Variants in CDH1 observed in about 807,000 individuals in gnomAD.
The protein encoded by CDH1 is cadherin 1, also known as cadherin-1.
A neutral mutation model predicts 84.5 loss-of-function variants in CDH1; 35 were observed. That is an observed-to-expected ratio of 0.41 (90% CI 0.32 to 0.55). The LOEUF (loss-of-function observed/expected upper bound fraction) is 0.55, where lower values mean the gene tolerates loss of function less well. Among genes scored for constraint, CDH1 ranks in the 20% least tolerant of loss-of-function variants. The probability of loss-of-function intolerance (pLI) is 0.19; values close to 1 mark genes in which losing one functional copy is unlikely to be tolerated. For missense variants in CDH1, 994 were observed against 1,126.6 expected (o/e 0.88, Z 1.68); for synonymous variants, 417 against 439.0 (o/e 0.95, Z 0.63).
chr16:68,793,949 A>G (rs1420462388), intron 2 of CDH1, among the ~76,000 whole-genome samples: 4 of 152,038 alleles, frequency 2.6e-5, no homozygotes, highest in Admixed American at 6.6e-5. Flanking sequence ...AAAAAAAAAA[A>G]AAGTGGGAGG....
At chr16:68,758,061 G>A (rs1034611823) in intron 2 of CDH1, among the ~76,000 whole-genome samples, 1 of 146,834 alleles carries the variant, frequency 6.8e-6, no homozygotes, top group Non-Finnish European at 1.5e-5. Flanking sequence ...CCATCTGCCC[G>A]CCTCAGCCTC....
chr16:68,780,877 A>C (rs1010022725), intron 2 of CDH1, among the ~76,000 whole-genome samples: 1 of 152,148 alleles, frequency 6.6e-6, no homozygotes, highest in Non-Finnish European at 1.5e-5. Context: ...TATTCTGGGA[A>C]AAGTGAGTCT....
chr16:68,818,539 T>C (rs994060476), intron 10 of CDH1, among the ~76,000 whole-genome samples: 7 of 149,462 alleles, frequency 4.7e-5, no homozygotes, highest in South Asian at 2.1e-4. Context: ...TTTTCTTTTT[T>C]TTTTTTTTTT....
chr16:68,828,328 C>T (rs771545158), intron 14 of CDH1, 24 bp downstream of exon 14: 1 of 1,612,712 alleles, frequency 6.2e-7, no homozygotes, highest in South Asian at 1.1e-5. Flanking sequence ...ACCTTGGTAG[C>T]TCAGTGGTGA....
At chr16:68,766,490 T>G (rs1468548629) in intron 2 of CDH1, among the ~76,000 whole-genome samples, 1 of 152,114 alleles carries the variant, frequency 6.6e-6, no homozygotes, top group Non-Finnish European at 1.5e-5. Context: ...ATGTTTTCCC[T>G]CTGTAAAATG....
chr16:68,789,363 C>T (rs1015088286), intron 2 of CDH1, among the ~76,000 whole-genome samples: 1 of 151,834 alleles, frequency 6.6e-6, no homozygotes, highest in South Asian at 2.1e-4. Flanking sequence ...TGTCCAGAAC[C>T]TAATTTTGGA....
Position 68,815,686 on chromosome 16 carries a change from G to A in CDH1, c.1492G>A (p.Asp498Asn), listed in dbSNP as rs2152135021. The change falls in exon 10 of 16, where the codon GAC (aspartate) becomes AAC (asparagine). Residue 498 changes from aspartate (D) to asparagine (N), a missense_variant. This residue lies in a region of CDH1 where 769 missense variants were observed against 881.8 expected (regional missense o/e 0.87). Transcript: ENST00000261769. Reference sequence around the variant, plus strand: ...TGAAAAGAGAGTGGAAGTGTCCGAGGACTTTGGCGTGGGCCAGGAAATCAC... The same window carrying A: ...TGAAAAGAGAGTGGAAGTGTCCGAGAACTTTGGCGTGGGCCAGGAAATCAC... ...PPEKRVEVSE[D>N]FGVGQEITSY... The A allele has an allele frequency of 2.5e-6, 4 of 1,614,226 alleles. No individual in the cohort carries two copies. The highest frequency in any genetic ancestry group is 1.7e-5 in the Admixed American group (1 of 60,020).
chr16:68,790,803 C>A (rs777726479), intron 2 of CDH1, among the ~76,000 whole-genome samples: 1 of 152,120 alleles, frequency 6.6e-6, no homozygotes, highest in South Asian at 2.1e-4. Context: ...AGCAGAGAAG[C>A]AACCCCAGCT....
intron 13 of CDH1, among the ~76,000 whole-genome samples, chr16:68,827,030 G>A (rs1418180941): frequency 6.6e-6 from 1 of 152,174 alleles, no homozygotes; most frequent in Non-Finnish European, 1.5e-5. Flanking sequence ...CAGCACTTTG[G>A]GAGGCCCAGG....
chr16:68,833,497 T>A lies in CDH1; in HGVS notation c.2647T>A (p.Ter883LysextTer29). ...ADMYGGGEDD[*>K] Reference sequence around the variant, plus strand: ...CATGTACGGAGGCGGCGAGGACGACTAGGGGACTCGAGAGAGGCGGGCCCC... The same window carrying A: ...CATGTACGGAGGCGGCGAGGACGACAAGGGGACTCGAGAGAGGCGGGCCCC... Residue 883 changes from the stop codon to lysine (K), a stop_lost, in exon 16 of 16, where the codon TAG becomes AAG. Transcript: ENST00000261769. 1 of 1,613,224 alleles carries A rather than the reference T, an allele frequency of 6.2e-7. No homozygotes were observed. The highest frequency in any genetic ancestry group is 1.1e-5 in the South Asian group (1 of 91,046).
intron 6 of CDH1, 133 bp downstream of exon 6, chr16:68,810,474 T>C: frequency 1.2e-6 from 1 of 811,952 alleles, no homozygotes; most frequent in Non-Finnish European, 2.1e-6. Context: ...TGGCAAGCCA[T>C]TGTTGTGTTA....
At chr16:68,805,697 C>A (rs1437333634) in intron 3 of CDH1, among the ~76,000 whole-genome samples, 1 of 152,224 alleles carries the variant, frequency 6.6e-6, no homozygotes, top group Non-Finnish European at 1.5e-5. Flanking sequence ...TGGGTTCAAG[C>A]AATTCTTCTG....
intron 5 of CDH1, 85 bp downstream of exon 5, chr16:68,808,933 G>C (rs2152130447): frequency 7.5e-7 from 1 of 1,324,692 alleles, no homozygotes; most frequent in Non-Finnish European, 1.1e-6. Flanking sequence ...CCGCAGATCA[G>C]AGGCTCTGAA....
chr16:68,746,732 G>C (rs1962755348), intron 2 of CDH1, among the ~76,000 whole-genome samples: 1 of 152,154 alleles, frequency 6.6e-6, no homozygotes, highest in South Asian at 2.1e-4. Flanking sequence ...AGGATCACTT[G>C]AGGTCAGGAG....
At chr16:68,784,761 C>T (rs1320440303) in intron 2 of CDH1, among the ~76,000 whole-genome samples, 1 of 151,904 alleles carries the variant, frequency 6.6e-6, no homozygotes, top group Non-Finnish European at 1.5e-5. Context: ...TTTGGTTTTC[C>T]ATTCCTGAGT....
chr16:68,830,220 T>C (rs1961450873), intron 15 of CDH1, among the ~76,000 whole-genome samples: 1 of 152,080 alleles, frequency 6.6e-6, no homozygotes, highest in Non-Finnish European at 1.5e-5. Flanking sequence ...CCCAAAGTGC[T>C]GGGATTACAG....
At chr16:68,829,874 G>C (rs745591290) in intron 15 of CDH1, 77 bp downstream of exon 15, 13 of 1,431,900 alleles carry the variant, frequency 9.1e-6, no homozygotes, top group Non-Finnish European at 1.2e-5. Context: ...ATGAGAAAAA[G>C]AGTCTTTAGA....
At chr16:68,775,202 C>A (rs1959696645) in intron 2 of CDH1, among the ~76,000 whole-genome samples, 1 of 152,032 alleles carries the variant, frequency 6.6e-6, no homozygotes, top group Admixed American at 6.6e-5. Context: ...CTGTGTGTGC[C>A]TCTTAAGTGT....
chr16:68,784,581 G>A (rs1959988238), intron 2 of CDH1, among the ~76,000 whole-genome samples: 1 of 151,976 alleles, frequency 6.6e-6, no homozygotes, highest in African/African-American at 2.4e-5. Context: ...CTGAGATTTT[G>A]GTGCACCCAT....
Sources: gnomAD v4.1 joint callset for allele counts (sites outside exome capture counted in the v4.1 genomes callset) on GRCh38, gnomAD v4.1.1 for gene constraint, gnomAD v4.1.1 regional missense constraint, MANE v1.5 for transcripts, NCBI Gene and HGNC (gene_info 2026-07-23, HGNC 2026-07-21) for gene names.